Variants in SLC39A12 observed in about 807,000 individuals in gnomAD.
The protein encoded by SLC39A12 is solute carrier family 39 member 12, also known as zinc transporter ZIP12.
SLC39A12 carries 63 observed loss-of-function variants against 71.1 expected under a neutral mutation model. That is an observed-to-expected ratio of 0.89 (90% CI 0.72 to 1.09). The LOEUF is 1.09. SLC39A12 is among the 50% of genes least tolerant of loss of function. The probability of loss-of-function intolerance (pLI) is 0.00; values close to 1 mark genes in which losing one functional copy is unlikely to be tolerated. For missense variants in SLC39A12, 892 were observed against 812.6 expected (o/e 1.10, Z -1.19); for synonymous variants, 351 against 301.3 (o/e 1.16, Z -1.71).
chr10:18,019,220 C>T (rs1188873498), intron 12 of SLC39A12, among the ~76,000 whole-genome samples: 2 of 152,128 alleles, frequency 1.3e-5, no homozygotes, highest in South Asian at 4.1e-4. Context: ...CCTTTAATGT[C>T]CACAGAATCT....
At chr10:17,975,596 A>G (rs1485112601) in intron 4 of SLC39A12, among the ~76,000 whole-genome samples, 1 of 151,688 alleles carries the variant, frequency 6.6e-6, no homozygotes, top group African/African-American at 2.4e-5. Context: ...AGTGGAAGTA[A>G]GGGGTATCTT....
chr10:18,018,539 T>C (rs1226176748), intron 12 of SLC39A12, among the ~76,000 whole-genome samples: 1 of 152,186 alleles, frequency 6.6e-6, no homozygotes, highest in African/African-American at 2.4e-5. Flanking sequence ...CTTTATCAAG[T>C]TGAGGAAATT....
intron 12 of SLC39A12, among the ~76,000 whole-genome samples, chr10:18,035,249 A>G (rs1221968482): frequency 5.5e-5 from 8 of 144,654 alleles, no homozygotes; most frequent in Non-Finnish European, 9.0e-5. Context: ...GTGTTTTCCA[A>G]CTTGGTTCCA....
intron 12 of SLC39A12, among the ~76,000 whole-genome samples, chr10:18,026,150 T>A (rs1836670821): frequency 6.6e-6 from 1 of 152,180 alleles, no homozygotes; most frequent in Admixed American, 6.5e-5. Context: ...TCTCAAGTGC[T>A]CTTCTTTTTT....
chr10:18,024,405 C>T (rs1836618615), intron 12 of SLC39A12, among the ~76,000 whole-genome samples: 1 of 152,048 alleles, frequency 6.6e-6, no homozygotes, highest in Non-Finnish European at 1.5e-5. Flanking sequence ...TTGCATAGGT[C>T]CATGGAAGAA....
chr10:18,036,792 A>ATTTTTTTTT (rs1176352939), intron 12 of SLC39A12, among the ~76,000 whole-genome samples: 2 of 84,648 alleles, frequency 2.4e-5, no homozygotes, highest in African/African-American at 9.6e-5. Flanking sequence ...ATATATATAT[A>ATTTTTTTTT]TATTTTTTTT....
intron 7 of SLC39A12, among the ~76,000 whole-genome samples, chr10:17,990,882 T>C (rs1835525740): frequency 1.3e-5 from 2 of 152,242 alleles, no homozygotes; most frequent in Admixed American, 6.5e-5. Context: ...AAGCTTAGGC[T>C]TCATTCTGTT....
intron 4 of SLC39A12, among the ~76,000 whole-genome samples, chr10:17,968,051 T>G (rs1834878403): frequency 1.3e-5 from 2 of 151,392 alleles, no homozygotes; most frequent in Admixed American, 6.6e-5. Flanking sequence ...TGATCTTTGT[T>G]TGTGTGTGTG....
intron 12 of SLC39A12, among the ~76,000 whole-genome samples, chr10:18,026,230 G>C (rs1158554262): frequency 6.6e-6 from 1 of 152,024 alleles, no homozygotes. Context: ...TTCTCAGAAG[G>C]CATGGCTACT....
intron 7 of SLC39A12, 86 bp from the exon 8 acceptor site, chr10:17,991,065 A>G (rs934267736): frequency 7.8e-7 from 1 of 1,275,060 alleles, no homozygotes; most frequent in Non-Finnish European, 1.1e-6. Context: ...AATATATTCA[A>G]CACTGGGCCT....
At chr10:18,030,486 G>C (rs1000842731) in intron 12 of SLC39A12, among the ~76,000 whole-genome samples, 2 of 151,848 alleles carry the variant, frequency 1.3e-5, no homozygotes, top group Admixed American at 6.6e-5. Flanking sequence ...TGATCCGCCT[G>C]CCTCGGCCTC....
At chr10:17,999,294 CAAAA>C (rs59734258) in intron 10 of SLC39A12, among the ~76,000 whole-genome samples, 75 of 70,352 alleles carry the variant, frequency 1.1e-3, no homozygotes, top group Admixed American at 1.3e-3. Flanking sequence ...GACTCCATCT[CAAAA>C]AAAAAAAAAA....
chr10:18,041,353 G>A (rs539230702), intron 12 of SLC39A12, among the ~76,000 whole-genome samples: 2 of 151,474 alleles, frequency 1.3e-5, no homozygotes, highest in Non-Finnish European at 2.9e-5. Context: ...AAAATTAGCC[G>A]AGTGTGGCAG....
chr10:17,989,747 C>T (rs1057253786), intron 7 of SLC39A12, among the ~76,000 whole-genome samples: 5 of 151,996 alleles, frequency 3.3e-5, no homozygotes, highest in Non-Finnish European at 7.4e-5. Context: ...GGTGAAACCC[C>T]GTCTCTACTA....
intron 12 of SLC39A12, among the ~76,000 whole-genome samples, chr10:18,037,942 C>T (rs1252375900): frequency 7.3e-6 from 1 of 136,680 alleles, no homozygotes; most frequent in Non-Finnish European, 1.5e-5. Context: ...ATTGTTTGAA[C>T]CCGGGAGGTG....
In SLC39A12 at chr10:18,042,729, A is replaced by G; in HGVS notation, c.1972A>G (p.Thr658Ala). The G allele has an allele frequency of 1.2e-6, 2 of 1,609,762 alleles. No homozygotes were observed. Among genetic ancestry groups the G allele is most frequent in the East Asian group, 2.2e-5 (1 of 44,524 alleles). Residue 658 changes from threonine to alanine, a missense_variant, in exon 13 of 13, where the codon ACA (threonine) becomes GCA (alanine). Thr to Ala is a moderately conservative substitution (Grantham distance 58). Coordinates refer to ENST00000377369, the MANE Select transcript of SLC39A12 (RefSeq NM_001145195.2). ...EMLPEMTHVQ[T>A]QRPWMMFLLQ... ...GCTTCCTGAAATGACTCATGTTCAA[A>G]CACAACGACCCTGGATGATGTTTCT...
chr10:17,953,286 C>A lies in SLC39A12; in HGVS notation c.10C>A (p.Arg4=). 1 of 1,613,954 alleles carries A rather than the reference C, an allele frequency of 6.2e-7. No homozygotes were observed. The highest frequency in any genetic ancestry group is 8.5e-7 in the Non-Finnish European group (1 of 1,179,900). The change falls in exon 2 of 13, where the codon CGG becomes AGG. Residue 4 remains arginine, a synonymous_variant. Coordinates refer to ENST00000377369, the MANE Select transcript of SLC39A12 (RefSeq NM_001145195.2). ...TGGAGGAAGCGTGGAAATGTGCTTC[C>A]GGACAAAGCTCTCAGTATCCTGGGT... MCF[R]TKLSVSWVPL...
intron 12 of SLC39A12, among the ~76,000 whole-genome samples, chr10:18,035,547 T>C (rs1331958218): frequency 4.0e-5 from 6 of 151,716 alleles, no homozygotes; most frequent in African/African-American, 1.5e-4. Context: ...TTTTACATTC[T>C]TCTAAATTTT....
intron 12 of SLC39A12, among the ~76,000 whole-genome samples, chr10:18,034,882 T>G (rs1836954929): frequency 1.3e-5 from 2 of 151,668 alleles, no homozygotes; most frequent in African/African-American, 2.4e-5. Flanking sequence ...GTCTGTAAAG[T>G]ATTTTATTTC....
Sources: gnomAD v4.1 joint callset for allele counts (sites outside exome capture counted in the v4.1 genomes callset) on GRCh38, gnomAD v4.1.1 for gene constraint, MANE v1.5 for transcripts, NCBI Gene and HGNC (gene_info 2026-07-23, HGNC 2026-07-21) for gene names.